The following ELL2 variants were observed in gnomAD, a reference collection of about 807,000 sequenced individuals.
ELL2 encodes the protein elongation factor for RNA polymerase II 2.
A neutral mutation model predicts 72.8 loss-of-function variants in ELL2; 21 were observed. That is an observed-to-expected ratio of 0.29 (90% CI 0.20 to 0.42). ELL2 has a LOEUF of 0.42. ELL2 is among the 10% of genes least tolerant of loss of function. The pLI is 1.00. For synonymous variants in ELL2, 266 were observed against 283.2 expected (o/e 0.94, Z 0.61); for missense variants, 568 against 772.8 (o/e 0.73, Z 3.14).
At chr5:95,911,400 C>T (rs1181926258) in intron 4 of ELL2, among the ~76,000 whole-genome samples, 1 of 151,458 alleles carries the variant, frequency 6.6e-6, no homozygotes, top group Admixed American at 6.6e-5. Flanking sequence ...TGCAGTGGCA[C>T]AATCTCGGCT....
intron 1 of ELL2, among the ~76,000 whole-genome samples, chr5:95,948,520 G>C (rs1751263126): frequency 6.7e-6 from 1 of 148,616 alleles, no homozygotes; most frequent in African/African-American, 2.5e-5. Flanking sequence ...GTTATTAAGA[G>C]AGCCACCAGG....
intron 2 of ELL2, among the ~76,000 whole-genome samples, chr5:95,928,168 G>A (rs552983317): frequency 1.3e-5 from 2 of 152,074 alleles, no homozygotes; most frequent in Non-Finnish European, 1.5e-5. Context: ...AAGATATACA[G>A]ACTATGGAGC....
At chr5:95,950,930 ATATATATAT>A (rs1751365102) in intron 1 of ELL2, among the ~76,000 whole-genome samples, 1 of 127,418 alleles carries the variant, frequency 7.8e-6, no homozygotes, top group East Asian at 2.0e-4. Flanking sequence ...ATATATATAT[ATATATATAT>A]ATATATATAT....
intron 4 of ELL2, among the ~76,000 whole-genome samples, chr5:95,912,388 A>G (rs1749638884): frequency 6.6e-6 from 1 of 152,188 alleles, no homozygotes; most frequent in East Asian, 1.9e-4. Flanking sequence ...AAACACAACA[A>G]TTTGCCTCAC....
intron 2 of ELL2, among the ~76,000 whole-genome samples, chr5:95,935,631 C>G (rs887348112): frequency 6.6e-6 from 1 of 152,152 alleles, no homozygotes; most frequent in African/African-American, 2.4e-5. Flanking sequence ...GGGAATACCC[C>G]CTGGGCAGCT....
At chr5:95,950,902 GTGTATATATATATA>G (rs778205429) in intron 1 of ELL2, among the ~76,000 whole-genome samples, 3,375 of 75,006 alleles carry the variant, frequency 0.045, 192 homozygotes, top group Admixed American at 0.11. Flanking sequence ...ATGTATGTAT[GTGTATATATATATA>G]TATATATATA....
At position 95,888,770 on chromosome 5, in the gene ELL2, C is replaced by T. The variant is rs192690954; in HGVS notation, c.*101G>A. The T allele has an allele frequency of 1.2e-3, 975 of 811,522 alleles. 13 individuals are homozygous for T. The African/African-American group carries it at 0.015, about 13-fold the overall frequency. The allele number at this position is 811,522 out of a possible 1,614,324, so 50.3% of individuals were successfully genotyped here. A position where few individuals can be genotyped will look rare whatever the true frequency, so the allele number is the denominator to read the frequency against. On this transcript the variant is annotated 3_prime_UTR_variant, in exon 12 of 12. Transcript: ENST00000237853. ...TCAAGTTTACTAATACTGAAACTTT[C>T]AACAGCCAAAGTTTCACCTTTTTAG...
Position 95,919,524 on chromosome 5 carries a change from C to G in ELL2, c.217G>C (p.Asp73His), listed in dbSNP as rs778945084. ...AAGTTATGAACTTCATTGAGGGGAT[C>G]ATTTTTGGGAATTTTGACAAGCTAA... ...LHGLVKIPKN[D>H]PLNEVHNFNF... Residue 73 changes from aspartate to histidine, a missense_variant, in exon 3 of 12, where the codon GAT (aspartate) becomes CAT (histidine). This residue lies in a region of ELL2 where 511 missense variants were observed against 728.4 expected (regional missense o/e 0.70). Transcript: ENST00000237853. 2.6e-6 allele frequency: 4 copies of G among 1,564,418 alleles called. No individual in the cohort carries two copies. In the Admixed American group the frequency reaches 6.4e-5, roughly 25 times the overall value.
At chr5:95,916,943 T>G (rs1374756029) in intron 3 of ELL2, among the ~76,000 whole-genome samples, 3 of 152,178 alleles carry the variant, frequency 2.0e-5, no homozygotes, top group Non-Finnish European at 4.4e-5. Context: ...CTGAACATAC[T>G]GCCCCTCATG....
At chr5:95,897,365 C>T (rs1748914020) in intron 8 of ELL2, among the ~76,000 whole-genome samples, 2 of 152,094 alleles carry the variant, frequency 1.3e-5, no homozygotes, top group African/African-American at 4.8e-5. Context: ...TTAAAACTGG[C>T]AGCAATGCCA....
In ELL2 at chr5:95,938,405, C is replaced by T. The variant is rs1254792058; in HGVS notation, c.195+4597G>A. Among the ~76,000 whole-genome samples, 6 of 152,094 alleles carry T rather than the reference C, an allele frequency of 3.9e-5. No homozygotes were observed. The East Asian group carries it at 1.2e-3, about 29-fold the overall frequency. ...TAGAAAATATTTTCTATTTTCAGTCCTCTTCTTAAATTCTTAAACATGATT... is the reference window on the plus strand; with the variant it reads ...TAGAAAATATTTTCTATTTTCAGTCTTCTTCTTAAATTCTTAAACATGATT... On this transcript the variant is annotated intron_variant, in intron 2 of 11. Transcript: ENST00000237853.
At chr5:95,893,311 T>C (rs1748736679) in intron 9 of ELL2, among the ~76,000 whole-genome samples, 2 of 152,266 alleles carry the variant, frequency 1.3e-5, no homozygotes, top group African/African-American at 4.8e-5. Context: ...TAACTACAAG[T>C]AAAAGTATTC....
intron 1 of ELL2, among the ~76,000 whole-genome samples, chr5:95,946,628 T>C (rs1349497891): frequency 6.6e-6 from 1 of 152,172 alleles, no homozygotes; most frequent in Non-Finnish European, 1.5e-5. Context: ...TCAACCAAGA[T>C]CAACCAGAAT....
At chr5:95,960,952 T>C (rs140602738) in intron 1 of ELL2, among the ~76,000 whole-genome samples, 11 of 151,182 alleles carry the variant, frequency 7.3e-5, no homozygotes, top group Admixed American at 2.0e-4. Context: ...CCTAAGTCCC[T>C]ATCTCTATGA....
intron 10 of ELL2, among the ~76,000 whole-genome samples, chr5:95,889,492 TA>T (rs937883447): frequency 2.0e-5 from 3 of 152,118 alleles, no homozygotes; most frequent in Non-Finnish European, 2.9e-5. Context: ...TGTACCAATA[TA>T]AAAAAATTCT....
At chr5:95,956,744 T>C (rs1347445734) in intron 1 of ELL2, among the ~76,000 whole-genome samples, 1 of 152,174 alleles carries the variant, frequency 6.6e-6, no homozygotes, top group Admixed American at 6.5e-5. Flanking sequence ...ACCTATGGAC[T>C]CAGTGATTTA....
chr5:95,905,799 AT>A (rs1749335260), intron 5 of ELL2, among the ~76,000 whole-genome samples: 1 of 149,194 alleles, frequency 6.7e-6, no homozygotes, highest in South Asian at 2.1e-4. Context: ...TGGAAATGTT[AT>A]TTCCTTAGAA....
At chr5:95,893,643 CCA>C (rs1476885563) in intron 9 of ELL2, among the ~76,000 whole-genome samples, 1 of 152,198 alleles carries the variant, frequency 6.6e-6, no homozygotes, top group Non-Finnish European at 1.5e-5. Context: ...CCTCGGCCTC[CCA>C]CAGTGCTGGG....
chr5:95,922,576 T>C (rs1036722635), intron 2 of ELL2, among the ~76,000 whole-genome samples: 2 of 152,220 alleles, frequency 1.3e-5, no homozygotes, highest in African/African-American at 4.8e-5. Context: ...AGCTTTTTCC[T>C]TTCTCATCCT....
Sources: allele counts gnomAD v4.1 joint callset (sites outside exome capture counted in the v4.1 genomes callset), GRCh38; gene constraint gnomAD v4.1.1; regional missense constraint gnomAD v4.1.1; transcripts MANE v1.5; gene names NCBI Gene and HGNC (gene_info 2026-07-23, HGNC 2026-07-21).